Variants in MAST2 observed in about 807,000 individuals in gnomAD.
MAST2 encodes microtubule-associated serine/threonine-protein kinase 2.
Under a neutral mutation model 147.4 loss-of-function variants are expected in MAST2, and 70 were observed. That is an observed-to-expected ratio of 0.47 (90% CI 0.39 to 0.58). The LOEUF (loss-of-function observed/expected upper bound fraction) is 0.58. MAST2 is among the 20% of genes least tolerant of loss of function. The probability of loss-of-function intolerance (pLI) is 0.00; values close to 1 mark genes in which losing one functional copy is unlikely to be tolerated. For synonymous variants in MAST2, 869 were observed against 896.8 expected, an observed-to-expected ratio of 0.97 and a Z score of 0.55; for missense variants, 2,080 against 2,302.3, an observed-to-expected ratio of 0.90 and a Z score of 1.98.
intron 1 of MAST2, among the ~76,000 whole-genome samples, chr1:45,814,732 A>C (rs1644401871): frequency 6.6e-6 from 1 of 152,218 alleles, no homozygotes; most frequent in South Asian, 2.1e-4. Flanking sequence ...GGTTGCAGTG[A>C]GCCAAGATCA....
chr1:45,883,901 C>G (rs1221387891), intron 4 of MAST2, among the ~76,000 whole-genome samples: 1 of 50,462 alleles, frequency 2.0e-5, no homozygotes, highest in Non-Finnish European at 3.9e-5. Context: ...GGTCATTTTT[C>G]TACTATTTCT....
chr1:45,972,377 A>G (rs984626462), intron 5 of MAST2, among the ~76,000 whole-genome samples: 1 of 152,240 alleles, frequency 6.6e-6, no homozygotes. Flanking sequence ...AGTTTACTCC[A>G]TACCCAGAAG....
Position 45,991,975 on chromosome 1 carries a change from C to G in MAST2, c.593-5749C>G, listed in dbSNP as rs549298116. Among the ~76,000 whole-genome samples the G allele has an allele frequency of 1.2e-3, 183 of 152,224 alleles. 1 individual carries two copies. The highest frequency in any genetic ancestry group is 2.4e-3 in the Non-Finnish European group (163 of 68,016). ...AACTCCTGGGCTCAAGTAATCCCCC[C>G]AACTCAGCCTCCGAAAGTGCCAGGA... On this transcript the variant is annotated intron_variant, in intron 5 of 28. Coordinates refer to ENST00000361297, the MANE Select transcript of MAST2 (RefSeq NM_015112.3).
At chr1:45,962,641 G>C (rs1314692098) in intron 5 of MAST2, among the ~76,000 whole-genome samples, 1 of 152,224 alleles carries the variant, frequency 6.6e-6, no homozygotes, top group East Asian at 1.9e-4. Flanking sequence ...TTGTAAATTT[G>C]TTTGAGTTCT....
intron 4 of MAST2, among the ~76,000 whole-genome samples, chr1:45,915,796 C>T (rs1652418197): frequency 6.6e-6 from 1 of 151,666 alleles, no homozygotes; most frequent in Admixed American, 6.6e-5. Flanking sequence ...ATGTCTAAAC[C>T]TCATTTTATG....
rs71587091 is a variant in MAST2, at chr1:45,931,377, G to GTTTTTTTT, written c.501-27994_501-27987dup. On this transcript the variant is annotated intron_variant, in intron 4 of 28. Coordinates refer to ENST00000361297, the MANE Select transcript of MAST2 (RefSeq NM_015112.3). ...TCACAAAAAGGTGGTATTGTGTTCTGTTTTTTTTTTTTTTTTTTTTTTGAG... is the reference window on the plus strand; with the variant it reads ...TCACAAAAAGGTGGTATTGTGTTCTGTTTTTTTTTTTTTTTTTTTTTTTTTTTTTTGAG... Among the ~76,000 whole-genome samples, 351 of 101,036 alleles carry GTTTTTTTT rather than the reference G, an allele frequency of 3.5e-3. 4 individuals carry two copies. The highest frequency in any genetic ancestry group is 4.1e-3 in the Non-Finnish European group (223 of 54,280). The allele number at this position is 101,036 out of a possible 152,430, so 66.3% of individuals were successfully genotyped here.
intron 5 of MAST2, among the ~76,000 whole-genome samples, chr1:45,966,560 G>A (rs180686717): frequency 2.3e-4 from 35 of 152,108 alleles, no homozygotes; most frequent in African/African-American, 3.6e-4. Flanking sequence ...GTGAAATGTC[G>A]TCTCTACTAA....
At chr1:45,938,441 A>G (rs1050585826) in intron 4 of MAST2, among the ~76,000 whole-genome samples, 5 of 152,004 alleles carry the variant, frequency 3.3e-5, no homozygotes, top group Non-Finnish European at 7.4e-5. Flanking sequence ...CTCCTGCCTC[A>G]GCCTCCCAAG....
At chr1:45,967,110 G>T (rs1331110470) in intron 5 of MAST2, among the ~76,000 whole-genome samples, 1 of 151,704 alleles carries the variant, frequency 6.6e-6, no homozygotes, top group African/African-American at 2.4e-5. Flanking sequence ...GTCTCACTCT[G>T]TCACCCAGGC....
chr1:45,948,706 CAAAAAA>C (rs34012353), intron 4 of MAST2, among the ~76,000 whole-genome samples: 3 of 40,236 alleles, frequency 7.5e-5, no homozygotes, highest in Admixed American at 4.8e-4. Context: ...GACTCCATCT[CAAAAAA>C]AAAAAAAAAA....
In MAST2 at chr1:46,035,188, G is replaced by A. The variant is rs1018347555; in HGVS notation, c.4519G>A (p.Asp1507Asn). ...AIREVDSSED[D>N]TEEGPENSQG... Reference sequence around the variant, plus strand: ...TCGTGAGGTGGACTCCTCAGAGGACGACACCGAGGAAGGGCCTGAGAACAG... The same window carrying A: ...TCGTGAGGTGGACTCCTCAGAGGACAACACCGAGGAAGGGCCTGAGAACAG... The change falls in exon 29 of 29, where the codon GAC (aspartate) becomes AAC (asparagine). Residue 1507 changes from aspartate to asparagine, a missense_variant. This residue lies in a region of MAST2 where 1,278 missense variants were observed against 1,304.2 expected (regional missense o/e 0.98). Transcript: ENST00000361297. The surrounding 1 kb of genome is among the most constrained non-coding windows in gnomAD (Gnocchi z 5.5). 16 of 1,613,912 alleles carry A rather than the reference G, an allele frequency of 9.9e-6. No individual in the cohort carries two copies. In the Admixed American group the frequency reaches 1.0e-4, roughly 10 times the overall value.
chr1:46,025,593 G>T, intron 15 of MAST2, 84 bp from the exon 16 acceptor site: 1 of 1,537,080 alleles, frequency 6.5e-7, no homozygotes, highest in Non-Finnish European at 9.0e-7. Flanking sequence ...TCTCCTCTGG[G>T]ACCTCAGAAA....
At chr1:45,969,891 A>C (rs1414631628) in intron 5 of MAST2, among the ~76,000 whole-genome samples, 1 of 152,162 alleles carries the variant, frequency 6.6e-6, no homozygotes, top group Non-Finnish European at 1.5e-5. Flanking sequence ...GCTGTTCTAT[A>C]GTCTTGTGAC....
intron 4 of MAST2, among the ~76,000 whole-genome samples, chr1:45,941,762 C>T (rs186607127): frequency 6.6e-5 from 10 of 152,308 alleles, no homozygotes; most frequent in Admixed American, 6.5e-4. Flanking sequence ...AGCCAACATA[C>T]TTGCCTTGTT....
intron 4 of MAST2, chr1:45,913,442 G>A (rs1159639374): frequency 8.8e-6 from 2 of 227,714 alleles, no homozygotes; most frequent in African/African-American, 2.3e-5. Flanking sequence ...TTTTACTGCC[G>A]CCAGGCCTCA....
chr1:45,872,403 T>C (rs1305995973), intron 3 of MAST2, among the ~76,000 whole-genome samples: 1 of 152,202 alleles, frequency 6.6e-6, no homozygotes, highest in Non-Finnish European at 1.5e-5. Context: ...GGAAATATTT[T>C]ATGGCTTTAG....
At chr1:45,882,517 T>C (rs1646897107) in intron 4 of MAST2, 122 bp downstream of exon 4, 2 of 720,654 alleles carry the variant, frequency 2.8e-6, no homozygotes, top group South Asian at 3.9e-5. Context: ...TGTGTACTCC[T>C]ATCTGAGCTA....
chr1:45,985,647 TCAGA>T (rs1271815394), intron 5 of MAST2, among the ~76,000 whole-genome samples: 2 of 152,224 alleles, frequency 1.3e-5, no homozygotes, highest in African/African-American at 2.4e-5. Flanking sequence ...AATCAGATTA[TCAGA>T]CAGGCAGCTG....
At chr1:45,871,247 G>A (rs1646380864) in intron 3 of MAST2, among the ~76,000 whole-genome samples, 1 of 150,288 alleles carries the variant, frequency 6.7e-6, no homozygotes. Context: ...TAAAAATATT[G>A]GTAGAGTTTT....
Sources: gnomAD v4.1 joint callset for allele counts (sites outside exome capture counted in the v4.1 genomes callset) on GRCh38, gnomAD v4.1.1 for gene constraint, gnomAD v4.1.1 regional missense constraint, Gnocchi (gnomAD v3.1) non-coding constraint, MANE v1.5 for transcripts, NCBI Gene and HGNC (gene_info 2026-07-23, HGNC 2026-07-21) for gene names.